SRGAP2C: variants seen among roughly 807,000 people sequenced by gnomAD.
SRGAP2C encodes the protein SLIT-ROBO Rho GTPase activating protein 2C.
In SRGAP2C, 15 loss-of-function variants were observed where a neutral mutation model predicts 25.1. That is an observed-to-expected ratio of 0.60 (90% CI 0.40 to 0.92). SRGAP2C has a LOEUF of 0.92. Among genes scored for constraint, SRGAP2C ranks in the 40% least tolerant of loss-of-function variants. The pLI, the probability that SRGAP2C is intolerant of heterozygous loss-of-function variation, is 0.00. For missense variants in SRGAP2C, 144 were observed against 264.4 expected (o/e 0.54, Z 3.16); for synonymous variants, 44 against 96.6 (o/e 0.46, Z 3.19).
In SRGAP2C at chr1:121,342,757, TC is replaced by T. The variant is rs1222030139; in HGVS notation, c.423+18120del. 1.8e-3 allele frequency among the ~76,000 whole-genome samples: 140 copies of T among 76,186 alleles called. 8 individuals carry two copies. The highest frequency in any genetic ancestry group is 6.2e-3 in the African/African-American group (130 of 21,030). 50.0% of individuals were successfully genotyped at this position (76,186 alleles called of 152,430 possible). On this transcript the variant is annotated intron_variant, in intron 4 of 9. Coordinates refer to ENST00000367123, the MANE Select transcript of SRGAP2C (RefSeq NM_001329984.2). ...ACACAAAAATTTGACTTTCCCAGAC[TC>T]CCATGTGCCCATCTATAAACTGAAC...
chr1:121,347,152 G>T (rs1480672237), intron 4 of SRGAP2C, among the ~76,000 whole-genome samples: 2 of 112,620 alleles, frequency 1.8e-5, no homozygotes, highest in South Asian at 3.6e-4. Flanking sequence ...ATTCCCTACC[G>T]CAGTTTTGAC....
chr1:121,350,585 A>T (rs1321386159), intron 4 of SRGAP2C, among the ~76,000 whole-genome samples: 5 of 152,156 alleles, frequency 3.3e-5, no homozygotes, highest in East Asian at 1.9e-4. Flanking sequence ...GAAATAATAA[A>T]AAAAAATAAC....
intron 3 of SRGAP2C, among the ~76,000 whole-genome samples, chr1:121,295,286 A>G (rs1553338146): frequency 2.6e-5 from 4 of 151,022 alleles, no homozygotes; most frequent in Non-Finnish European, 4.4e-5. Context: ...GCTCTATACA[A>G]TAGACACTGG....
chr1:121,345,733 C>A (rs1203720546), intron 4 of SRGAP2C, among the ~76,000 whole-genome samples: 8 of 140,712 alleles, frequency 5.7e-5, no homozygotes, highest in South Asian at 2.2e-4. Flanking sequence ...CTCACTGTAA[C>A]CCCCGCCTCC....
chr1:121,255,693 CTGT>C (rs1656443497), intron 2 of SRGAP2C, among the ~76,000 whole-genome samples: 2 of 151,534 alleles, frequency 1.3e-5, no homozygotes, highest in Non-Finnish European at 2.9e-5. Context: ...TGGCATGTGC[CTGT>C]AATCCCAGCT....
intron 4 of SRGAP2C, among the ~76,000 whole-genome samples, chr1:121,339,102 G>A (rs1347438554): frequency 6.6e-6 from 1 of 151,332 alleles, no homozygotes; most frequent in Non-Finnish European, 1.5e-5. Context: ...TAAGCTTAGT[G>A]TAATTTTTTT....
intron 2 of SRGAP2C, among the ~76,000 whole-genome samples, chr1:121,225,849 C>A (rs868922103): frequency 7.2e-5 from 10 of 138,620 alleles, no homozygotes; most frequent in African/African-American, 2.7e-4. Context: ...GGATTACAGG[C>A]GCCCGCCACC....
intron 7 of SRGAP2C, among the ~76,000 whole-genome samples, chr1:121,379,093 G>T (rs1312703058): frequency 2.6e-5 from 4 of 152,204 alleles, no homozygotes; most frequent in Admixed American, 6.5e-5. Context: ...TGTTGTAAGT[G>T]CCGTGTACAT....
intron 4 of SRGAP2C, among the ~76,000 whole-genome samples, chr1:121,359,634 G>A (rs2580447): frequency 1.3e-5 from 2 of 152,188 alleles, no homozygotes; most frequent in Non-Finnish European, 2.9e-5. Context: ...CCAGCGTGTT[G>A]GTACACATCT....
intron 2 of SRGAP2C, among the ~76,000 whole-genome samples, chr1:121,206,324 A>G (rs1558080164): frequency 1.3e-5 from 2 of 152,076 alleles, no homozygotes; most frequent in Non-Finnish European, 2.9e-5. Flanking sequence ...TGTGGTAGGC[A>G]CCCAATAAAT....
chr1:121,235,066 G>T (rs1343366912), intron 2 of SRGAP2C, among the ~76,000 whole-genome samples: 3 of 140,586 alleles, frequency 2.1e-5, no homozygotes, highest in African/African-American at 8.4e-5. Flanking sequence ...CCGTCCCCCA[G>T]GCTGGAGTGC....
chr1:121,201,763 C>T (rs587773147), intron 2 of SRGAP2C, among the ~76,000 whole-genome samples: 7 of 152,132 alleles, frequency 4.6e-5, no homozygotes, highest in South Asian at 2.1e-4. Flanking sequence ...AAGATAAGAG[C>T]GTGATATGTA....
In SRGAP2C at chr1:121,377,110, T is replaced by TA. The variant is rs71273316; in HGVS notation, c.831+2169dup. ...TATTTTGTACCTTATTTTCATCATT[T>TA]AAAAAAAAAAAAACGTCTGCTAAGA... On this transcript the variant is annotated intron_variant, in intron 7 of 9. Transcript: ENST00000367123. 5.6e-3 allele frequency among the ~76,000 whole-genome samples: 692 copies of TA among 122,478 alleles called. 6 individuals carry two copies. The highest frequency in any genetic ancestry group is 0.017 in the East Asian group (80 of 4,676). 80.4% of individuals were successfully genotyped at this position (122,478 alleles called of 152,430 possible). A position where few individuals can be genotyped will look rare whatever the true frequency, so the allele number is the denominator to read the frequency against.
chr1:121,335,500 C>T (rs1658495284), intron 4 of SRGAP2C, among the ~76,000 whole-genome samples: 1 of 117,356 alleles, frequency 8.5e-6, no homozygotes, highest in Non-Finnish European at 1.7e-5. Context: ...CTCACTTTGT[C>T]ACCCAGGTTG....
At chr1:121,191,288 G>A (rs1654668157) in intron 2 of SRGAP2C, among the ~76,000 whole-genome samples, 1 of 151,986 alleles carries the variant, frequency 6.6e-6, no homozygotes, top group Non-Finnish European at 1.5e-5. Context: ...TATAACCTAT[G>A]TACACACATC....
At chr1:121,299,494 G>T (rs1657657778) in intron 3 of SRGAP2C, among the ~76,000 whole-genome samples, 1 of 82,102 alleles carries the variant, frequency 1.2e-5, no homozygotes, top group Non-Finnish European at 2.4e-5. Context: ...GAATCAATGA[G>T]CACAGTTCTG....
intron 7 of SRGAP2C, among the ~76,000 whole-genome samples, chr1:121,376,036 G>C (rs1251976161): frequency 1.5e-5 from 2 of 136,726 alleles, no homozygotes; most frequent in Non-Finnish European, 3.1e-5. Context: ...AGTTATTCTT[G>C]GCCTTGTTTT....
At chr1:121,202,285 G>T (rs1655002841) in intron 2 of SRGAP2C, among the ~76,000 whole-genome samples, 1 of 152,202 alleles carries the variant, frequency 6.6e-6, no homozygotes. Context: ...CTTTCAAGGT[G>T]TTGGCTTATA....
chr1:121,335,816 C>T (rs1456940471), intron 4 of SRGAP2C, among the ~76,000 whole-genome samples: 1 of 150,482 alleles, frequency 6.6e-6, no homozygotes, highest in Non-Finnish European at 1.5e-5. Context: ...TATTGATTTT[C>T]CTCTTGACTT....
Sources: gnomAD v4.1 joint callset for allele counts (sites outside exome capture counted in the v4.1 genomes callset) on GRCh38, gnomAD v4.1.1 for gene constraint, MANE v1.5 for transcripts, NCBI Gene and HGNC (gene_info 2026-07-23, HGNC 2026-07-21) for gene names.